Variants in TENM3 observed in about 807,000 individuals in gnomAD.
TENM3 encodes the protein teneurin transmembrane protein 3.
A neutral mutation model predicts 255.1 loss-of-function variants in TENM3; 63 were observed. That is an observed-to-expected ratio of 0.25 (90% CI 0.20 to 0.30). The LOEUF (loss-of-function observed/expected upper bound fraction) is 0.30. Ranked by LOEUF, TENM3 falls within the 10% of genes least tolerant of loss-of-function variation. TENM3 has a pLI of 1.00. For missense variants in TENM3, 2,929 were observed against 3,461.1 expected, an observed-to-expected ratio of 0.85 and a Z score of 3.86; for synonymous variants, 1,306 against 1,322.3, an observed-to-expected ratio of 0.99 and a Z score of 0.27.
the TENM3 span, among the ~76,000 whole-genome samples, chr4:181,976,733 C>G: frequency 6.6e-6 from 1 of 152,122 alleles, no homozygotes; most frequent in Non-Finnish European, 1.5e-5. Context: ...CAGATCAGAT[C>G]TGAGCTAAAG....
chr4:182,048,840 T>C, the TENM3 span, among the ~76,000 whole-genome samples: 1 of 152,138 alleles, frequency 6.6e-6, no homozygotes, highest in African/African-American at 2.4e-5. Flanking sequence ...AAAAATACTG[T>C]GTCTATTATT....
chr4:181,642,231 AT>A, the TENM3 span, among the ~76,000 whole-genome samples: 5 of 149,082 alleles, frequency 3.4e-5, no homozygotes, highest in South Asian at 2.1e-4. Context: ...AGTGATGATG[AT>A]TTTTTTTCAT....
chr4:182,115,269 C>T, the TENM3 span, among the ~76,000 whole-genome samples: 1 of 152,248 alleles, frequency 6.6e-6, no homozygotes, highest in Non-Finnish European at 1.5e-5. Context: ...ATTCAAGAAA[C>T]AATCATTGGA....
intron 3 of TENM3, among the ~76,000 whole-genome samples, chr4:182,412,804 G>T (rs1770086695): frequency 1.3e-5 from 2 of 151,440 alleles, no homozygotes; most frequent in South Asian, 4.2e-4. Context: ...GGTGGAGGTT[G>T]CAGTGAGCCG....
chr4:182,151,080 T>G (rs974450331), intron 1 of TENM3, among the ~76,000 whole-genome samples: 1 of 152,132 alleles, frequency 6.6e-6, no homozygotes, highest in Non-Finnish European at 1.5e-5. Context: ...TAGGGGCGTT[T>G]CCAAAGAAGA....
the TENM3 span, among the ~76,000 whole-genome samples, chr4:181,804,124 A>AAGGGAGGG: frequency 1.6e-5 from 1 of 62,608 alleles, no homozygotes; most frequent in African/African-American, 6.0e-5. Context: ...GAGGGAGGGA[A>AAGGGAGGG]AGGGAGGGAG....
At chr4:182,574,278 A>G (rs1417921760) in intron 3 of TENM3, among the ~76,000 whole-genome samples, 2 of 152,086 alleles carry the variant, frequency 1.3e-5, no homozygotes, top group Admixed American at 6.6e-5. Context: ...TCAGAACTGC[A>G]ATTTACCATG....
At chr4:182,108,668 C>A in the TENM3 span, among the ~76,000 whole-genome samples, 1 of 151,892 alleles carries the variant, frequency 6.6e-6, no homozygotes, top group African/African-American at 2.4e-5. Context: ...CAAATAAGTC[C>A]GAAGAGGATA....
the TENM3 span, among the ~76,000 whole-genome samples, chr4:181,687,105 C>A: frequency 6.6e-6 from 1 of 152,036 alleles, no homozygotes; most frequent in Non-Finnish European, 1.5e-5. Flanking sequence ...CCTTTGATGC[C>A]AAATTAGTAA....
intron 13 of TENM3, among the ~76,000 whole-genome samples, chr4:182,725,998 G>A (rs1176204284): frequency 1.3e-5 from 2 of 151,928 alleles, no homozygotes; most frequent in African/African-American, 4.8e-5. Context: ...AGTTTCAAAT[G>A]GTTAACAACT....
At chr4:181,756,696 G>A in the TENM3 span, among the ~76,000 whole-genome samples, 1 of 152,256 alleles carries the variant, frequency 6.6e-6, no homozygotes. Context: ...CAAATGTTAG[G>A]GCTAACAACC....
At chr4:181,787,340 CTTTT>C in the TENM3 span, among the ~76,000 whole-genome samples, 1 of 141,406 alleles carries the variant, frequency 7.1e-6, no homozygotes. Flanking sequence ...CTACATCCAT[CTTTT>C]TTTTTTTTTT....
the TENM3 span, among the ~76,000 whole-genome samples, chr4:181,741,893 T>A: frequency 2.6e-5 from 4 of 152,220 alleles, no homozygotes; most frequent in Non-Finnish European, 4.4e-5. Context: ...TGAATGAACA[T>A]AGCAGGAGAA....
intron 3 of TENM3, among the ~76,000 whole-genome samples, chr4:182,432,370 C>G (rs770116649): frequency 2.6e-5 from 4 of 152,134 alleles, no homozygotes; most frequent in Non-Finnish European, 5.9e-5. Flanking sequence ...ATGCAGAAGT[C>G]TTTACATTGG....
intron 3 of TENM3, among the ~76,000 whole-genome samples, chr4:182,376,693 G>A (rs1181049033): frequency 6.6e-6 from 1 of 152,042 alleles, no homozygotes; most frequent in Admixed American, 6.6e-5. Flanking sequence ...ACCGGAGTCA[G>A]TGTACAGAAA....
At chr4:182,042,260 G>A in the TENM3 span, among the ~76,000 whole-genome samples, 3 of 152,088 alleles carry the variant, frequency 2.0e-5, no homozygotes, top group East Asian at 1.9e-4. Flanking sequence ...AGCTCAATGC[G>A]TTTTCTCAAA....
the TENM3 span, among the ~76,000 whole-genome samples, chr4:182,118,588 C>A: frequency 4.8e-3 from 564 of 118,102 alleles, 3 homozygotes; most frequent in Admixed American, 0.011. Flanking sequence ...CCAGCTCCCC[C>A]CTCCACCTTT....
chr4:182,370,575 C>A (rs1377356589), intron 3 of TENM3, among the ~76,000 whole-genome samples: 1 of 152,154 alleles, frequency 6.6e-6, no homozygotes, highest in Non-Finnish European at 1.5e-5. Context: ...CTTTCACATA[C>A]TTTTCAAAGA....
chr4:182,520,104 A>T (rs983356533), intron 3 of TENM3, among the ~76,000 whole-genome samples: 3 of 152,132 alleles, frequency 2.0e-5, no homozygotes, highest in Non-Finnish European at 4.4e-5. Flanking sequence ...ATAATTTTTT[A>T]AAAATGAAAT....
Sources: gnomAD v4.1 joint callset for allele counts (sites outside exome capture counted in the v4.1 genomes callset) on GRCh38, gnomAD v4.1.1 for gene constraint, MANE v1.5 for transcripts, NCBI Gene and HGNC (gene_info 2026-07-23, HGNC 2026-07-21) for gene names.